Variants in AKR1C8 observed in about 807,000 individuals in gnomAD.
The protein encoded by AKR1C8 is aldo-keto reductase family 1 member C-like protein 1.
At chr10:5,151,578 A>T in the AKR1C8 span, among the ~76,000 whole-genome samples, 1 of 113,782 alleles carries the variant, frequency 8.8e-6, no homozygotes, top group African/African-American at 3.2e-5. Context: ...TTTTTTTGAG[A>T]CACAGTCTTG....
the AKR1C8 span, among the ~76,000 whole-genome samples, chr10:5,140,803 G>T: frequency 2.1e-5 from 3 of 142,110 alleles, no homozygotes; most frequent in Non-Finnish European, 4.4e-5. Flanking sequence ...TGCACATTGT[G>T]CACATGTACC....
the AKR1C8 span, among the ~76,000 whole-genome samples, chr10:5,133,125 C>A: frequency 9.2e-5 from 14 of 152,204 alleles, no homozygotes; most frequent in African/African-American, 2.9e-4. Context: ...CTCTGTCACC[C>A]AGGCTAGAGT....
At chr10:5,177,905 T>G in the AKR1C8 span, among the ~76,000 whole-genome samples, 1 of 152,220 alleles carries the variant, frequency 6.6e-6, no homozygotes, top group Non-Finnish European at 1.5e-5. Flanking sequence ...GGTCTATAAA[T>G]TTTGTTGATC....
the AKR1C8 span, among the ~76,000 whole-genome samples, chr10:5,116,227 T>TCC: frequency 2.0e-5 from 3 of 152,062 alleles, no homozygotes; most frequent in Non-Finnish European, 4.4e-5. Context: ...ACACTGTACC[T>TCC]CCCTTCTTAC....
At chr10:5,134,641 A>G in the AKR1C8 span, among the ~76,000 whole-genome samples, 1 of 152,274 alleles carries the variant, frequency 6.6e-6, no homozygotes, top group South Asian at 2.1e-4. Flanking sequence ...CAAGACCAGT[A>G]TTATTACTCT....
At chr10:5,173,554 T>C in the AKR1C8 span, among the ~76,000 whole-genome samples, 4 of 151,232 alleles carry the variant, frequency 2.6e-5, no homozygotes, top group African/African-American at 9.7e-5. Flanking sequence ...AACATAACTA[T>C]AAACAAATAG....
chr10:5,118,013 G>A, the AKR1C8 span, among the ~76,000 whole-genome samples: 9,423 of 152,066 alleles, frequency 0.062, 350 homozygotes, highest in Middle Eastern at 0.082. Context: ...CTTCTTACAC[G>A]CAAAATGTAG....
chr10:5,167,475 T>C, the AKR1C8 span, among the ~76,000 whole-genome samples: 2 of 152,300 alleles, frequency 1.3e-5, no homozygotes, highest in Middle Eastern at 3.4e-3. Flanking sequence ...TAAGTTCATG[T>C]CCTTTGTAGG....
chr10:5,178,058 T>C, the AKR1C8 span, among the ~76,000 whole-genome samples: 4 of 152,148 alleles, frequency 2.6e-5, no homozygotes, highest in Non-Finnish European at 5.9e-5. Context: ...TCTAGTTCTT[T>C]TAATTGTGAT....
At chr10:5,185,059 C>T in the AKR1C8 span, 2 of 534,750 alleles carry the variant, frequency 3.7e-6, no homozygotes, top group South Asian at 2.8e-5. Context: ...ATGAAGGGTC[C>T]ATCATTCAGC....
At chr10:5,136,359 C>A in the AKR1C8 span, among the ~76,000 whole-genome samples, 7 of 152,032 alleles carry the variant, frequency 4.6e-5, no homozygotes, top group South Asian at 2.1e-4. Flanking sequence ...ACCAGCCTGG[C>A]GAATATGACG....
the AKR1C8 span, among the ~76,000 whole-genome samples, chr10:5,131,540 CA>C: frequency 6.6e-6 from 1 of 151,718 alleles, no homozygotes; most frequent in South Asian, 2.1e-4. Flanking sequence ...AGACATTTCT[CA>C]AAAGTAGATA....
At chr10:5,146,927 G>T in the AKR1C8 span, among the ~76,000 whole-genome samples, 3 of 152,244 alleles carry the variant, frequency 2.0e-5, no homozygotes, top group South Asian at 6.2e-4. Flanking sequence ...GGTGTGTAGA[G>T]AAATTAGATA....
At chr10:5,139,016 CAGAT>C in the AKR1C8 span, among the ~76,000 whole-genome samples, 17 of 152,066 alleles carry the variant, frequency 1.1e-4, no homozygotes, top group African/African-American at 3.6e-4. Flanking sequence ...ACACCAATAA[CAGAT>C]AGAGAGCCAA....
At chr10:5,142,350 G>A in the AKR1C8 span, among the ~76,000 whole-genome samples, 1 of 152,004 alleles carries the variant, frequency 6.6e-6, no homozygotes, top group Non-Finnish European at 1.5e-5. Context: ...TAACCATTTC[G>A]TATTCACTGG....
At chr10:5,132,057 T>C in the AKR1C8 span, among the ~76,000 whole-genome samples, 17 of 152,300 alleles carry the variant, frequency 1.1e-4, no homozygotes, top group East Asian at 2.5e-3. Flanking sequence ...ATTAAGGCCA[T>C]TATTCTAAGT....
the AKR1C8 span, among the ~76,000 whole-genome samples, chr10:5,120,424 G>C: frequency 6.6e-6 from 1 of 152,096 alleles, no homozygotes; most frequent in African/African-American, 2.4e-5. Context: ...AGTGATTACT[G>C]TTTGATTACT....
At chr10:5,164,387 C>T in the AKR1C8 span, among the ~76,000 whole-genome samples, 1 of 151,874 alleles carries the variant, frequency 6.6e-6, no homozygotes, top group African/African-American at 2.4e-5. Context: ...CCTTTGTGTC[C>T]ACAATTTTCT....
At chr10:5,156,812 A>G in the AKR1C8 span, among the ~76,000 whole-genome samples, 1 of 152,348 alleles carries the variant, frequency 6.6e-6, no homozygotes, top group Non-Finnish European at 1.5e-5. Context: ...TGAAATAAAT[A>G]CATTATATAT....
Sources: allele counts gnomAD v4.1 joint callset (sites outside exome capture counted in the v4.1 genomes callset), GRCh38; gene constraint gnomAD v4.1.1; transcripts MANE v1.5; gene names NCBI Gene and HGNC (gene_info 2026-07-23, HGNC 2026-07-21).